Variants in ASTE1 observed in about 807,000 individuals in gnomAD.
ASTE1 encodes single-strand DNA endonuclease ASTE1.
A neutral mutation model predicts 45.8 loss-of-function variants in ASTE1; 49 were observed. The observed-to-expected ratio is 1.07, with a 90% CI of 0.85 to 1.36. The LOEUF is 1.36. Ranked by LOEUF, ASTE1 falls within the 40% of genes most tolerant of loss-of-function variation. The pLI is 0.00. For synonymous variants in ASTE1, 296 were observed against 303.9 expected, an observed-to-expected ratio of 0.97 and a Z score of 0.27; for missense variants, 709 against 804.0, an observed-to-expected ratio of 0.88 and a Z score of 1.43.
At chr3:131,016,799 A>T in intron 4 of ASTE1, 1 of 370,162 alleles carries the variant, frequency 2.7e-6, no homozygotes, top group Non-Finnish European at 5.0e-6. Flanking sequence ...GGAGGAAGCT[A>T]AAGTATGACT....
At chr3:131,020,590 A>T (rs1436475376) in intron 3 of ASTE1, among the ~76,000 whole-genome samples, 1 of 152,232 alleles carries the variant, frequency 6.6e-6, no homozygotes, top group East Asian at 1.9e-4. Context: ...GTTTTTATTA[A>T]CAACAGCTGG....
Position 131,025,225 on chromosome 3 carries a change from T to G in ASTE1, c.82A>C (p.Ile28Leu). The change falls in exon 3 of 6, where the codon ATT (isoleucine) becomes CTT (leucine). Residue 28 changes from isoleucine to leucine, a missense_variant. By Grantham distance (5) the Ile-to-Leu change is conservative. Transcript: ENST00000264992. The stretch of plus-strand genomic sequence containing the variant: ...AAAAGAGCATAACCATCAATGACAA[T>G]TTTTGTGTCCCGCAACTTCAAATCA... ...FTDLKLRDTK[I>L]VIDGYALFHR... is the part of the protein sequence containing the mutation. 6.2e-7 allele frequency: 1 copy of G among 1,614,162 alleles called. No homozygotes were observed.
In ASTE1 at chr3:131,024,835, A is replaced by G; in HGVS notation, c.472T>C (p.Ser158Pro). The change falls in exon 3 of 6, where the codon TCA (serine) becomes CCA (proline). Residue 158 changes from serine (S) to proline (P), a missense_variant. Ser to Pro is a moderately conservative substitution (Grantham distance 74, BLOSUM62 -1). Transcript: ENST00000264992. The part of the protein sequence containing the change: ...LANHWNCPVL[S>P]SDSDFCIFDL... The stretch of plus-strand genomic sequence containing the variant: ...AAAATGCAAAAGTCACTATCTGATG[A>G]TAACACAGGGCAATTCCAATGGTTA... The G allele has an allele frequency of 6.2e-7, 1 of 1,614,220 alleles. No homozygotes were observed. Among genetic ancestry groups the G allele is most frequent in the Non-Finnish European group, 8.5e-7 (1 of 1,180,030 alleles).
At chr3:131,023,879 C>A in intron 3 of ASTE1, 126 bp downstream of exon 3, 2 of 979,492 alleles carry the variant, frequency 2.0e-6, no homozygotes, top group South Asian at 4.1e-5. Flanking sequence ...TTCTTAGCTA[C>A]GACATGAGGG....
rs2063776221 is a variant in ASTE1 at position 131,024,075 on chromosome 3, T to C, written c.1232A>G (p.Asn411Ser). ...AFSEVERINK[N>S]IRTSIIDAVE... The stretch of plus-strand genomic sequence containing the variant: ...TGCATCAATGATTGAGGTTCTGATA[T>C]TTTTATTAATCCTTTCCACTTCACT... The change falls in exon 3 of 6, where the codon AAT (asparagine) becomes AGT (serine). Residue 411 changes from asparagine (N) to serine (S), a missense_variant. Physicochemically the swap from Asn to Ser is conservative, Grantham distance 46. Coordinates refer to ENST00000264992, the MANE Select transcript of ASTE1 (RefSeq NM_014065.4). 1 of 1,614,096 alleles carries C rather than the reference T, an allele frequency of 6.2e-7. No individual in the cohort carries two copies. The highest frequency in any genetic ancestry group is 8.5e-7 in the Non-Finnish European group (1 of 1,179,904).
intron 4 of ASTE1, chr3:131,016,553 T>C (rs1012050292): frequency 6.6e-6 from 4 of 602,272 alleles, no homozygotes; most frequent in Non-Finnish European, 1.1e-5. Context: ...ATTCAACCCA[T>C]CGGAATTTAC....
In ASTE1 at chr3:131,014,401, G is replaced by A. The variant is rs1560053527; in HGVS notation, c.1710-14C>T. On this transcript the variant is annotated splice_polypyrimidine_tract_variant and intron_variant, in intron 5 of 5. Coordinates refer to ENST00000264992, the MANE Select transcript of ASTE1 (RefSeq NM_014065.4). ...CCACTGTACAGTCTGTTCAAAGCAAGAAAAAAGTATGTTGTTAAAGAAGTA... is the reference window on the plus strand; with the variant it reads ...CCACTGTACAGTCTGTTCAAAGCAAAAAAAAAGTATGTTGTTAAAGAAGTA... The A allele has an allele frequency of 1.9e-6, 3 of 1,544,964 alleles. No individual in the cohort carries two copies. Among genetic ancestry groups the A allele is most frequent in the African/African-American group, 1.4e-5 (1 of 71,944 alleles).
chr3:131,016,915 T>C, intron 4 of ASTE1: 1 of 1,038,846 alleles, frequency 9.6e-7, no homozygotes. Context: ...GCTGTAAGTT[T>C]CTACAGATTT....
chr3:131,015,127 A>C (rs187359811), intron 5 of ASTE1: 1 of 657,006 alleles, frequency 1.5e-6, no homozygotes, highest in Non-Finnish European at 2.7e-6. Context: ...GTTAGCTCAG[A>C]TATAAGGCCC....
intron 4 of ASTE1, 51 bp from the exon 5 acceptor site, chr3:131,016,390 C>T (rs766344095): frequency 6.3e-7 from 1 of 1,594,978 alleles, no homozygotes; most frequent in South Asian, 1.1e-5. Context: ...ACTGTAACAG[C>T]TTTTCATTTT....
chr3:131,024,043 G>T lies in ASTE1; in HGVS notation c.1264C>A (p.Leu422Met). ...CTTAAGTCAGAATGATCCTTGGCCA[G>T]TTCTACTGCATCAATGATTGAGGTT... ...IRTSIIDAVELAKDHSDLSRL... is the reference protein window; with the variant it reads ...IRTSIIDAVEMAKDHSDLSRL... Residue 422 changes from leucine to methionine, a missense_variant, in exon 3 of 6, where the codon CTG becomes ATG. Leu to Met is a conservative substitution (Grantham distance 15, BLOSUM62 2). Coordinates refer to ENST00000264992, the MANE Select transcript of ASTE1 (RefSeq NM_014065.4). The T allele has an allele frequency of 6.2e-7, 1 of 1,612,520 alleles. No individual in the cohort carries two copies. The highest frequency in any genetic ancestry group is 8.5e-7 in the Non-Finnish European group (1 of 1,178,714).
intron 3 of ASTE1, among the ~76,000 whole-genome samples, chr3:131,020,998 A>G (rs2063734734): frequency 1.3e-5 from 2 of 152,246 alleles, no homozygotes; most frequent in African/African-American, 2.4e-5. Context: ...AACCAATTCT[A>G]GATACATTAT....
rs1046493778 is a variant in ASTE1 at position 131,018,415 on chromosome 3, A to T, written c.1513+91T>A. ...GTGATACAATTAATGGGAGTAAATA[A>T]TCCAAGAATACTTTTTTGTTTGTGT... On this transcript the variant is annotated intron_variant, in intron 4 of 5. Transcript: ENST00000264992. 3 of 1,285,386 alleles carry T rather than the reference A, an allele frequency of 2.3e-6. No individual in the cohort carries two copies. The African/African-American group carries it at 4.4e-5, about 19-fold the overall frequency. The allele number at this position is 1,285,386 out of a possible 1,614,324, so 79.6% of individuals were successfully genotyped here.
rs754456691 is a variant in ASTE1, at chr3:131,024,743, G to A, written c.564C>T (p.Gly188=). 3.1e-6 allele frequency: 5 copies of A among 1,612,202 alleles called. No homozygotes were observed. The South Asian group carries it at 5.5e-5, about 18-fold the overall frequency. Residue 188 remains glycine, a synonymous_variant, in exon 3 of 6, where the codon GGC becomes GGT. Coordinates refer to ENST00000264992, the MANE Select transcript of ASTE1 (RefSeq NM_014065.4). ...ATTTGGCAGGGATATAGTTTTGTGTGCCCTTAATAGTGTTCATATTTCTCC... is the reference window on the plus strand; with the variant it reads ...ATTTGGCAGGGATATAGTTTTGTGTACCCTTAATAGTGTTCATATTTCTCC... The part of the protein sequence containing the change: ...FQWRNMNTIK[G]TQNYIPAKCF...
intron 3 of ASTE1, among the ~76,000 whole-genome samples, chr3:131,022,133 C>G (rs1394575699): frequency 6.6e-6 from 1 of 152,130 alleles, no homozygotes; most frequent in Non-Finnish European, 1.5e-5. Context: ...GATGGGGACA[C>G]CATATCTTGG....
chr3:131,020,306 G>A (rs1395850394), intron 3 of ASTE1, among the ~76,000 whole-genome samples: 1 of 152,192 alleles, frequency 6.6e-6, no homozygotes, highest in East Asian at 1.9e-4. Context: ...CTTAACGTTA[G>A]TTAGGTTTTA....
Position 131,013,933 on chromosome 3 carries a change from T to G in ASTE1, c.*124A>C. Reference sequence around the variant, plus strand: ...ATACAAAATAACTTGGAATTCAGATTATTGTGATGTTTATCCCCTAACAGG... The same window carrying G: ...ATACAAAATAACTTGGAATTCAGATGATTGTGATGTTTATCCCCTAACAGG... On this transcript the variant is annotated 3_prime_UTR_variant, in exon 6 of 6. Coordinates refer to ENST00000264992, the MANE Select transcript of ASTE1 (RefSeq NM_014065.4). The G allele has an allele frequency of 1.6e-6, 1 of 615,860 alleles. No homozygotes were observed. The highest frequency in any genetic ancestry group is 2.7e-6 in the Non-Finnish European group (1 of 370,614). The allele number at this position is 615,860 out of a possible 1,614,324, so 38.1% of individuals were successfully genotyped here.
At position 131,025,447 on chromosome 3, in the gene ASTE1, A is replaced by G. The variant is rs537795773; in HGVS notation, c.-26+27T>C. Reference sequence around the variant, plus strand: ...TTATGAAGTGCTCTTTAGATAGAACATAGATATCAACATCATAAATTCTTA... The same window carrying G: ...TTATGAAGTGCTCTTTAGATAGAACGTAGATATCAACATCATAAATTCTTA... On this transcript the variant is annotated intron_variant, in intron 2 of 5. Coordinates refer to ENST00000264992, the MANE Select transcript of ASTE1 (RefSeq NM_014065.4). 108 of 1,315,162 alleles carry G rather than the reference A, an allele frequency of 8.2e-5. No homozygotes were observed. In the South Asian group the frequency reaches 1.6e-3, roughly 19 times the overall value. 81.5% of individuals were successfully genotyped at this position (1,315,162 alleles called of 1,614,324 possible).
chr3:131,023,913 G>A (rs2063774205), intron 3 of ASTE1, 92 bp downstream of exon 3: 1 of 1,313,992 alleles, frequency 7.6e-7, no homozygotes, highest in African/African-American at 1.5e-5. Context: ...AACCTCATCA[G>A]TTTGTTATAG....
Sources: gnomAD v4.1 joint callset for allele counts (sites outside exome capture counted in the v4.1 genomes callset) on GRCh38, gnomAD v4.1.1 for gene constraint, MANE v1.5 for transcripts, NCBI Gene and HGNC (gene_info 2026-07-23, HGNC 2026-07-21) for gene names.